Variants in AGBL1 observed in about 807,000 individuals in gnomAD.
The protein encoded by AGBL1 is AGBL carboxypeptidase 1, also known as cytosolic carboxypeptidase 4.
In AGBL1, 130 loss-of-function variants were observed where a neutral mutation model predicts 118.9. The ratio of observed to expected loss-of-function variants is 1.09; its 90% confidence interval spans 0.95 to 1.26. The LOEUF (loss-of-function observed/expected upper bound fraction) is 1.26. Ranked by LOEUF, AGBL1 falls within the 50% of genes most tolerant of loss-of-function variation. The probability of loss-of-function intolerance (pLI) is 0.00; values close to 1 mark genes in which losing one functional copy is unlikely to be tolerated. For missense variants in AGBL1, 1,584 were observed against 1,298.1 expected (o/e 1.22, Z -3.38); for synonymous variants, 555 against 478.9 (o/e 1.16, Z -2.08).
intron 22 of AGBL1, among the ~76,000 whole-genome samples, chr15:86,756,751 T>G (rs1274066923): frequency 6.6e-6 from 1 of 152,030 alleles, no homozygotes; most frequent in African/African-American, 2.4e-5. Context: ...AATTGTAGAT[T>G]GAAGTCAAAA....
intron 22 of AGBL1, among the ~76,000 whole-genome samples, chr15:86,752,843 T>G (rs902624740): frequency 6.6e-6 from 1 of 152,074 alleles, no homozygotes; most frequent in African/African-American, 2.4e-5. Flanking sequence ...GTAAATGCAT[T>G]TTCTGAACCA....
chr15:86,392,631 CAT>C (rs1170374594), intron 17 of AGBL1, among the ~76,000 whole-genome samples: 5 of 152,298 alleles, frequency 3.3e-5, no homozygotes, highest in South Asian at 2.1e-4. Context: ...TATCATCACA[CAT>C]GTCTTCAGTT....
chr15:86,159,662 CG>C (rs2077239557), intron 5 of AGBL1, among the ~76,000 whole-genome samples: 1 of 151,898 alleles, frequency 6.6e-6, no homozygotes, highest in Non-Finnish European at 1.5e-5. Flanking sequence ...TAGAGATATT[CG>C]GGACTATTAA....
At chr15:86,304,514 G>C (rs1170241420) in intron 17 of AGBL1, among the ~76,000 whole-genome samples, 1 of 152,112 alleles carries the variant, frequency 6.6e-6, no homozygotes, top group Non-Finnish European at 1.5e-5. Context: ...ACTATATGTT[G>C]TATTTTTTTC....
intron 21 of AGBL1, among the ~76,000 whole-genome samples, chr15:86,584,319 T>G (rs1479619362): frequency 6.6e-6 from 1 of 152,134 alleles, no homozygotes; most frequent in Non-Finnish European, 1.5e-5. Context: ...TAGTTTAAGG[T>G]GTTACATTTA....
chr15:86,883,019 G>C (rs964264883), intron 22 of AGBL1, among the ~76,000 whole-genome samples: 1 of 152,096 alleles, frequency 6.6e-6, no homozygotes, highest in African/African-American at 2.4e-5. Context: ...AGAGTTGCTT[G>C]GTAGTTAGTA....
At chr15:87,018,310 A>T (rs1439714534) in intron 24 of AGBL1, among the ~76,000 whole-genome samples, 3 of 152,140 alleles carry the variant, frequency 2.0e-5, no homozygotes, top group Admixed American at 6.6e-5. Context: ...AAGAAACATA[A>T]TCATCGGATT....
chr15:86,297,220 A>G (rs576611878), intron 17 of AGBL1: 1 of 152,288 alleles, frequency 6.6e-6, no homozygotes, highest in East Asian at 1.9e-4. Context: ...TTTCTTTTAA[A>G]CACATGCTAA....
At chr15:86,371,222 G>T (rs997404808) in intron 17 of AGBL1, among the ~76,000 whole-genome samples, 1 of 152,148 alleles carries the variant, frequency 6.6e-6, no homozygotes, top group Non-Finnish European at 1.5e-5. Context: ...AAATTAAGTT[G>T]TGCTTCGTGC....
chr15:86,554,604 C>T lies in AGBL1; in HGVS notation c.2994+67C>T, dbSNP rs118113758. ...CAATACATAGAAATTATAGACAGCT[C>T]GTACCTGCTTTCTCACCTAAAAGGG... On this transcript the variant is annotated intron_variant, in intron 21 of 22. Transcript: ENST00000614907. 739 of 1,342,916 alleles carry T rather than the reference C, an allele frequency of 5.5e-4. 8 individuals carry two copies. The East Asian group carries it at 0.02, about 36-fold the overall frequency. The allele number at this position is 1,342,916 out of a possible 1,614,324, so 83.2% of individuals were successfully genotyped here. A position where few individuals can be genotyped will look rare whatever the true frequency, so the allele number is the denominator to read the frequency against.
chr15:86,847,385 T>A (rs2079334880), intron 22 of AGBL1, among the ~76,000 whole-genome samples: 1 of 152,236 alleles, frequency 6.6e-6, no homozygotes, highest in Admixed American at 6.5e-5. Context: ...AACCCTGAAT[T>A]CTGATATGCC....
intron 22 of AGBL1, among the ~76,000 whole-genome samples, chr15:86,676,103 G>A (rs964524887): frequency 2.0e-5 from 3 of 152,122 alleles, no homozygotes; most frequent in Admixed American, 6.5e-5. Flanking sequence ...TGAAGCTAGA[G>A]GTCCTCCCAT....
chr15:86,826,054 A>G (rs78216027), intron 22 of AGBL1, among the ~76,000 whole-genome samples: 63 of 152,242 alleles, frequency 4.1e-4, no homozygotes, highest in African/African-American at 1.5e-3. Context: ...AAATATTACA[A>G]TCAGAATATT....
chr15:86,528,441 T>C (rs1170408657), intron 19 of AGBL1, among the ~76,000 whole-genome samples: 1 of 152,068 alleles, frequency 6.6e-6, no homozygotes, highest in Non-Finnish European at 1.5e-5. Flanking sequence ...ATCCCACACC[T>C]GGCTCGGAGG....
chr15:86,248,488 T>C (rs1407363869), intron 7 of AGBL1, among the ~76,000 whole-genome samples: 1 of 152,220 alleles, frequency 6.6e-6, no homozygotes, highest in Non-Finnish European at 1.5e-5. Context: ...GGCCTACAGC[T>C]GTGTAACTTT....
At chr15:86,499,172 T>TA (rs1269117921) in intron 18 of AGBL1, among the ~76,000 whole-genome samples, 2 of 151,878 alleles carry the variant, frequency 1.3e-5, no homozygotes, top group East Asian at 3.9e-4. Flanking sequence ...TCTTATTTAG[T>TA]AAAAATATTA....
intron 21 of AGBL1, among the ~76,000 whole-genome samples, chr15:86,604,377 G>T (rs1320408336): frequency 6.6e-6 from 1 of 152,100 alleles, no homozygotes; most frequent in East Asian, 1.9e-4. Flanking sequence ...CATTTAATAG[G>T]TTCAAAGAAA....
chr15:86,804,570 C>T (rs576290018), intron 22 of AGBL1, among the ~76,000 whole-genome samples: 12 of 152,166 alleles, frequency 7.9e-5, no homozygotes, highest in Admixed American at 2.0e-4. Flanking sequence ...ATGAATGCTA[C>T]GCATGTGTCT....
At chr15:86,961,146 G>A (rs1490464827) in intron 23 of AGBL1, among the ~76,000 whole-genome samples, 5 of 151,992 alleles carry the variant, frequency 3.3e-5, no homozygotes, top group South Asian at 2.1e-4. Flanking sequence ...ATGTTAATTA[G>A]CTTGATGTGG....
Sources: allele counts gnomAD v4.1 joint callset (sites outside exome capture counted in the v4.1 genomes callset), GRCh38; gene constraint gnomAD v4.1.1; transcripts MANE v1.5; gene names NCBI Gene and HGNC (gene_info 2026-07-23, HGNC 2026-07-21).